Variants in ATAT1 observed in about 807,000 individuals in gnomAD.
ATAT1 encodes the protein alpha tubulin acetyltransferase 1.
Under a neutral mutation model 57.2 loss-of-function variants are expected in ATAT1, and 42 were observed. The ratio of observed to expected loss-of-function variants is 0.73; its 90% CI spans 0.57 to 0.95. The LOEUF (loss-of-function observed/expected upper bound fraction) is 0.95. ATAT1 is among the 40% of genes least tolerant of loss of function. The pLI, the probability that ATAT1 is intolerant of heterozygous loss-of-function variation, is 0.00. For synonymous variants in ATAT1, 168 were observed against 187.1 expected (o/e 0.90, Z 0.83); for missense variants, 454 against 523.7 (o/e 0.87, Z 1.30).
At chr6:30,642,726 T>A (rs1285591804) in intron 9 of ATAT1, 42 bp from the exon 10 acceptor site, 4 of 1,276,004 alleles carry the variant, frequency 3.1e-6, no homozygotes, top group Non-Finnish European at 4.5e-6. Flanking sequence ...TCTTCCTTTT[T>A]TCTTCTTTTT....
intron 10 of ATAT1, chr6:30,644,296 G>C (rs1312537303): frequency 1.1e-5 from 11 of 985,648 alleles, no homozygotes; most frequent in Non-Finnish European, 1.2e-5. Context: ...GAGTGTCAAG[G>C]ATCTGTTAGA....
chr6:30,644,370 G>C, intron 10 of ATAT1: 1 of 985,844 alleles, frequency 1.0e-6, no homozygotes, highest in Non-Finnish European at 1.2e-6. Flanking sequence ...CTCCTGTCTT[G>C]TGAGATTGTC....
At position 30,642,832 on chromosome 6, in the gene ATAT1, A is replaced by ACCCCCCCCCCCCCCC; in HGVS notation, c.753_754insCCCCCCCCCCCCCCC (p.Pro251_Ala252insProProProProPro). 2.4e-6 allele frequency: 3 copies of ACCCCCCCCCCCCCCC among 1,230,746 alleles called. No homozygotes were observed. Among genetic ancestry groups the ACCCCCCCCCCCCCCC allele is most frequent in the South Asian group, 1.2e-5 (1 of 82,750 alleles). The allele number at this position is 1,230,746 out of a possible 1,614,324, so 76.2% of individuals were successfully genotyped here. On this transcript the variant is annotated inframe_insertion, in exon 10 of 13. Coordinates refer to ENST00000330083, the MANE Select transcript of ATAT1 (RefSeq NM_001031722.4). ...GGGCCCCTCGCCGCGCCACACCTCC[A>ACCCCCCCCCCCCCCC]GCCCACCCACCCCCCCGCTCCAGCA... is the stretch of plus-strand genomic sequence containing the variant.
intron 10 of ATAT1, among the ~76,000 whole-genome samples, chr6:30,645,644 A>C (rs939397040): frequency 5.3e-5 from 8 of 152,216 alleles, no homozygotes; most frequent in African/African-American, 1.9e-4. Context: ...CTAGCCATAG[A>C]TTTAACACAT....
Position 30,640,566 on chromosome 6 carries a change from A to G in ATAT1, c.579A>G (p.Arg193=), listed in dbSNP as rs778885598. 3.7e-6 allele frequency: 6 copies of G among 1,612,726 alleles called. No homozygotes were observed. Among genetic ancestry groups the G allele is most frequent in the African/African-American group, 1.3e-5 (1 of 74,848 alleles). ...CTGCTCCCTCTCTGAGGGCAACTCGACACTCTCGTGCTGCTGCAGTCGATC... is the reference window on the plus strand; with the variant it reads ...CTGCTCCCTCTCTGAGGGCAACTCGGCACTCTCGTGCTGCTGCAGTCGATC... Residue 193 remains arginine, a synonymous_variant, in exon 8 of 13, where the codon CGA becomes CGG. Coordinates refer to ENST00000330083, the MANE Select transcript of ATAT1 (RefSeq NM_001031722.4).
intron 12 of ATAT1, 60 bp from the exon 13 acceptor site, chr6:30,646,409 G>T: frequency 6.8e-7 from 1 of 1,470,502 alleles, no homozygotes; most frequent in East Asian, 2.5e-5. Context: ...TGAAGAGTCT[G>T]TAATCTTAAT....
intron 10 of ATAT1, chr6:30,644,307 TC>T: frequency 2.0e-6 from 2 of 985,818 alleles, no homozygotes; most frequent in Non-Finnish European, 2.4e-6. Flanking sequence ...ATCTGTTAGA[TC>T]CTGGAATCCC....
chr6:30,628,145 G>A lies in ATAT1; in HGVS notation c.399G>A (p.Gln133=). Residue 133 remains glutamine (Q), a splice_region_variant and synonymous_variant, in exon 5 of 13, where the codon CAG becomes CAA. Coordinates refer to ENST00000330083, the MANE Select transcript of ATAT1 (RefSeq NM_001031722.4). The stretch of plus-strand genomic sequence containing the variant: ...GAGAACTCTTCCAGTATATGTTGCA[G>A]GTATCACTGACCTCTTCACTGGTTC... 6.2e-7 allele frequency: 1 copy of A among 1,611,656 alleles called. No individual in the cohort carries two copies. The highest frequency in any genetic ancestry group is 1.7e-5 in the Admixed American group (1 of 60,010).
chr6:30,632,191 G>C (rs909146283), intron 6 of ATAT1, among the ~76,000 whole-genome samples: 1 of 151,288 alleles, frequency 6.6e-6, no homozygotes, highest in African/African-American at 2.4e-5. Flanking sequence ...CACTAGAACC[G>C]GGAGGCGGAG....
At position 30,640,380 on chromosome 6, in the gene ATAT1, A is replaced by G. The variant is rs1561922000; in HGVS notation, c.505A>G (p.Asn169Asp). ...TTTTGTTTGTTTCATCTTCCAGGTG[A>G]ACAACTTTGTGATCTTTGAAGGCTT... Residue 169 changes from asparagine (N) to aspartate (D), a missense_variant, in exon 7 of 13, where the codon AAC (asparagine) becomes GAC (aspartate). Around this residue, in one of 3 missense-constraint regions of ATAT1, gnomAD observed 236 missense variants for 284.5 expected, o/e 0.83. Transcript: ENST00000330083. The G allele has an allele frequency of 1.2e-6, 2 of 1,613,042 alleles. No homozygotes were observed. The highest frequency in any genetic ancestry group is 1.7e-6 in the Non-Finnish European group (2 of 1,180,030).
chr6:30,632,438 G>C (rs1404483381), intron 6 of ATAT1, among the ~76,000 whole-genome samples: 2 of 151,786 alleles, frequency 1.3e-5, no homozygotes, highest in Non-Finnish European at 2.9e-5. Context: ...CGGGTGTGGT[G>C]GCGGGCACCT....
chr6:30,643,476 G>T, intron 10 of ATAT1: 2 of 1,524,458 alleles, frequency 1.3e-6, no homozygotes, highest in Non-Finnish European at 1.8e-6. Context: ...TCTCTCCCCC[G>T]CCCCCCGCCA....
chr6:30,635,588 CAAA>C (rs567508154), intron 6 of ATAT1, among the ~76,000 whole-genome samples: 5 of 78,256 alleles, frequency 6.4e-5, no homozygotes, highest in Non-Finnish European at 5.3e-5. Context: ...AACTCCATCT[CAAA>C]AAAAAAAAAA....
At chr6:30,643,869 GCA>G in intron 10 of ATAT1, 1 of 1,271,530 alleles carries the variant, frequency 7.9e-7, no homozygotes, top group South Asian at 2.7e-5. Flanking sequence ...ATCTAGAGAA[GCA>G]CACTCTTGCT....
intron 6 of ATAT1, among the ~76,000 whole-genome samples, chr6:30,629,387 G>T (rs1762368687): frequency 6.6e-6 from 1 of 151,716 alleles, no homozygotes; most frequent in Non-Finnish European, 1.5e-5. Context: ...GGGATTACAG[G>T]CATGCACCAT....
intron 8 of ATAT1, chr6:30,641,768 G>T: frequency 2.0e-6 from 2 of 1,014,378 alleles, no homozygotes; most frequent in Non-Finnish European, 2.4e-6. Context: ...TTAACCAAGG[G>T]CTTTGTCCAT....
chr6:30,639,709 C>T (rs1459377531), intron 6 of ATAT1, among the ~76,000 whole-genome samples: 1 of 152,044 alleles, frequency 6.6e-6, no homozygotes, highest in Non-Finnish European at 1.5e-5. Flanking sequence ...GATCTCCTGA[C>T]CTCATGATCC....
chr6:30,636,704 G>C (rs1317285485), intron 6 of ATAT1, among the ~76,000 whole-genome samples: 1 of 152,068 alleles, frequency 6.6e-6, no homozygotes, highest in Non-Finnish European at 1.5e-5. Flanking sequence ...GGATGGGCTG[G>C]TAGACATTAC....
In ATAT1 at chr6:30,637,052, C is replaced by T. The variant is rs376042182; in HGVS notation, c.502-3325C>T. ...CTGACCTCAAGTGATCCGCCCACCT[C>T]GGTCTCCCAAAGTGCTACGATTACA... On this transcript the variant is annotated intron_variant, in intron 6 of 12. Transcript: ENST00000330083. Among the ~76,000 whole-genome samples, 10 of 152,220 alleles carry T rather than the reference C, an allele frequency of 6.6e-5. No individual in the cohort carries two copies. The South Asian group carries it at 1.9e-3, about 28-fold the overall frequency.
Sources: gnomAD v4.1 joint callset for allele counts (sites outside exome capture counted in the v4.1 genomes callset) on GRCh38, gnomAD v4.1.1 for gene constraint, gnomAD v4.1.1 regional missense constraint, MANE v1.5 for transcripts, NCBI Gene and HGNC (gene_info 2026-07-23, HGNC 2026-07-21) for gene names.